Variants in CCDC180 observed in about 807,000 individuals in gnomAD.
The protein encoded by CCDC180 is coiled-coil domain-containing protein 180.
A neutral mutation model predicts 209.2 loss-of-function variants in CCDC180; 154 were observed. The ratio of observed to expected loss-of-function variants is 0.74; its 90% CI spans 0.65 to 0.84. CCDC180 has a LOEUF of 0.84. Among genes scored for constraint, CCDC180 ranks in the 40% least tolerant of loss-of-function variants. The pLI, the probability that CCDC180 is intolerant of heterozygous loss-of-function variation, is 0.00. For missense variants in CCDC180, 1,874 were observed against 1,997.3 expected (o/e 0.94, Z 1.18); for synonymous variants, 778 against 749.1 (o/e 1.04, Z -0.63).
At chr9:97,317,414 A>G (rs1833214064) in intron 9 of CCDC180, among the ~76,000 whole-genome samples, 186 bp downstream of exon 9, 1 of 152,230 alleles carries the variant, frequency 6.6e-6, no homozygotes, top group Non-Finnish European at 1.5e-5. Flanking sequence ...CTCTCCCCAC[A>G]GTGAGAAGCA....
chr9:97,350,655 T>A, intron 22 of CCDC180, 100 bp downstream of exon 22: 2 of 1,274,502 alleles, frequency 1.6e-6, no homozygotes, highest in South Asian at 1.5e-5. Context: ...AAAATAAACG[T>A]AACATCAAAC....
chr9:97,359,876 G>A (rs1484424275), intron 25 of CCDC180, 106 bp from the exon 26 acceptor site: 1 of 1,445,672 alleles, frequency 6.9e-7, no homozygotes, highest in Non-Finnish European at 9.5e-7. Flanking sequence ...ATTAAGCCAA[G>A]AGGTATCCTC....
intron 18 of CCDC180, among the ~76,000 whole-genome samples, chr9:97,340,712 A>G (rs1826051438): frequency 6.6e-6 from 1 of 152,216 alleles, no homozygotes; most frequent in South Asian, 2.1e-4. Context: ...GCATCTGGGA[A>G]GACGCCTGTT....
chr9:97,308,603 C>T (rs149564769), intron 2 of CCDC180, among the ~76,000 whole-genome samples: 82 of 152,246 alleles, frequency 5.4e-4, no homozygotes, highest in African/African-American at 1.9e-3. Context: ...AAAGTAAAGC[C>T]CTCTTGACAA....
At chr9:97,358,002 C>T in intron 25 of CCDC180, 1 of 320,814 alleles carries the variant, frequency 3.1e-6, no homozygotes, top group East Asian at 5.8e-5. Flanking sequence ...TCTGACCTCA[C>T]TCCCTTGGGA....
chr9:97,355,265 C>T (rs943633983), intron 24 of CCDC180, among the ~76,000 whole-genome samples: 1 of 152,166 alleles, frequency 6.6e-6, no homozygotes, highest in Non-Finnish European at 1.5e-5. Context: ...AGAGATCCTC[C>T]AGCCTCAGTC....
Position 97,376,768 on chromosome 9 carries a change from T to C in CCDC180, c.4848T>C (p.Tyr1616=). 6.2e-7 allele frequency: 1 copy of C among 1,613,028 alleles called. No homozygotes were observed. ...VEARDAVYLK[Y]LASFEEELKR... ...TCCTGCTACCTTCCTTCTAGAAATA[T>C]TTAGCATCATTTGAGGAGGAGCTAA... The change falls in exon 37 of 37, where the codon TAT becomes TAC. Residue 1616 remains tyrosine, a synonymous_variant. Transcript: ENST00000529487.
chr9:97,357,995 G>C (rs766715585), intron 25 of CCDC180: 3 of 334,946 alleles, frequency 9.0e-6, no homozygotes, highest in Non-Finnish European at 1.6e-5. Context: ...GGCTTCCTCT[G>C]ACCTCACTCC....
At chr9:97,357,523 T>C (rs1186923353) in intron 24 of CCDC180, 104 bp from the exon 25 acceptor site, 3 of 742,962 alleles carry the variant, frequency 4.0e-6, no homozygotes, top group Non-Finnish European at 6.8e-6. Flanking sequence ...GATTTCATTT[T>C]TTTCAGTGCT....
At chr9:97,323,169 C>A (rs750892874) in intron 12 of CCDC180, among the ~76,000 whole-genome samples, 11 of 152,178 alleles carry the variant, frequency 7.2e-5, no homozygotes, top group Non-Finnish European at 1.5e-4. Flanking sequence ...ATCCCCTCCC[C>A]AGCTATCCCT....
At position 97,313,293 on chromosome 9, in the gene CCDC180, G is replaced by A. The variant is rs1277781755; in HGVS notation, c.407G>A (p.Ser136Asn). ...AGGCAAGCAGAACACAAGAGGAAGAGCTACGAGAGCGCTCTGGCCAGCTTT... is the reference window on the plus strand; with the variant it reads ...AGGCAAGCAGAACACAAGAGGAAGAACTACGAGAGCGCTCTGGCCAGCTTT... Reference protein sequence around the residue: ...FQRQAEHKRKSYESALASFQE... With the variant: ...FQRQAEHKRKNYESALASFQE... Residue 136 changes from serine to asparagine, a missense_variant, in exon 5 of 37, where the codon AGC (serine) becomes AAC (asparagine). Transcript: ENST00000529487. The A allele has an allele frequency of 6.2e-7, 1 of 1,612,732 alleles. No homozygotes were observed.
chr9:97,365,316 G>C (rs1050092229), intron 29 of CCDC180: 2 of 226,822 alleles, frequency 8.8e-6, no homozygotes, highest in South Asian at 7.2e-5. Context: ...TTTACAGTCT[G>C]CTGGGAGAGA....
At chr9:97,344,039 A>C (rs1056898634) in intron 19 of CCDC180, among the ~76,000 whole-genome samples, 4 of 152,236 alleles carry the variant, frequency 2.6e-5, no homozygotes, top group Non-Finnish European at 4.4e-5. Flanking sequence ...AGACATGACC[A>C]AAAGATACTG....
At chr9:97,357,538 C>A in intron 24 of CCDC180, 89 bp from the exon 25 acceptor site, 1 of 809,866 alleles carries the variant, frequency 1.2e-6, no homozygotes, top group South Asian at 1.7e-5. Flanking sequence ...AGTGCTTAAT[C>A]AGTTTCTCAG....
intron 17 of CCDC180, 48 bp downstream of exon 17, chr9:97,330,241 C>A (rs373604535): frequency 1.2e-6 from 2 of 1,610,656 alleles, no homozygotes; most frequent in South Asian, 1.1e-5. Flanking sequence ...TTCACTCTTA[C>A]GCGTTTGTGG....
Position 97,330,632 on chromosome 9 carries a change from G to A in CCDC180, c.2139G>A (p.Val713=). Residue 713 remains valine, a synonymous_variant, in exon 18 of 37, where the codon GTG becomes GTA. Transcript: ENST00000529487. The part of the protein sequence containing the change: ...SLNPSLNEEN[V]KGQGEKKEES... Reference sequence around the variant, plus strand: ...ACCCATCCCTGAATGAGGAGAATGTGAAGGGTCAAGGAGAAAAGAAGGAGG... The same window carrying A: ...ACCCATCCCTGAATGAGGAGAATGTAAAGGGTCAAGGAGAAAAGAAGGAGG... 1 of 1,613,480 alleles carries A rather than the reference G, an allele frequency of 6.2e-7. No homozygotes were observed.
At position 97,362,278 on chromosome 9, in the gene CCDC180, C is replaced by A. The variant is rs115326222; in HGVS notation, c.3739C>A (p.Arg1247=). The change falls in exon 28 of 37, where the codon CGG becomes AGG. Residue 1247 remains arginine (R), a synonymous_variant. Transcript: ENST00000529487. ...TAGAGGCGCATGGGCCTGTGGGTCT[C>A]GGGGCAGCAGTGAGGCAGGGGCTGG... is the stretch of plus-strand genomic sequence containing the variant. ...TGRGAWACGS[R]GSSEAGAGGA... is the part of the protein sequence containing the mutation. The A allele has an allele frequency of 6.2e-7, 1 of 1,614,186 alleles. No individual in the cohort carries two copies. Among genetic ancestry groups the A allele is most frequent in the Admixed American group, 1.7e-5 (1 of 60,018 alleles).
intron 20 of CCDC180, chr9:97,347,718 T>TC: frequency 1.9e-6 from 1 of 515,128 alleles, no homozygotes; most frequent in South Asian, 2.7e-5. Flanking sequence ...CATTTTTTTT[T>TC]CAAGAGGGTG....
chr9:97,318,710 C>T, intron 10 of CCDC180, 128 bp downstream of exon 10: 1 of 1,281,400 alleles, frequency 7.8e-7, no homozygotes, highest in Non-Finnish European at 1.1e-6. Flanking sequence ...CTCTCTGGCC[C>T]TGGGCTGGCC....
Sources: gnomAD v4.1 joint callset for allele counts (sites outside exome capture counted in the v4.1 genomes callset) on GRCh38, gnomAD v4.1.1 for gene constraint, MANE v1.5 for transcripts, NCBI Gene and HGNC (gene_info 2026-07-23, HGNC 2026-07-21) for gene names.